Variants in CABIN1 observed in about 807,000 individuals in gnomAD.
The protein encoded by CABIN1 is calcineurin-binding protein cabin-1.
CABIN1 carries 133 observed loss-of-function variants against 227.7 expected under a neutral mutation model. That is an observed-to-expected ratio of 0.58 (90% confidence interval 0.51 to 0.67). The LOEUF (loss-of-function observed/expected upper bound fraction) is 0.67, where lower values mean the gene tolerates loss of function less well. Ranked by LOEUF, CABIN1 falls within the 30% of genes least tolerant of loss-of-function variation. The probability of loss-of-function intolerance (pLI) is 0.00; values close to 1 mark genes in which losing one functional copy is unlikely to be tolerated. For synonymous variants in CABIN1, 1,086 were observed against 1,155.1 expected (o/e 0.94, Z 1.21); for missense variants, 2,408 against 2,852.5 (o/e 0.84, Z 3.55).
At chr22:24,059,484 T>A in intron 11 of CABIN1, 121 bp downstream of exon 11, 1 of 1,191,130 alleles carries the variant, frequency 8.4e-7, no homozygotes, top group Non-Finnish European at 1.2e-6. Context: ...GCCAAGAGTC[T>A]GCCTGGATTA....
chr22:24,061,723 G>A (rs536299276), intron 12 of CABIN1, among the ~76,000 whole-genome samples: 24 of 152,204 alleles, frequency 1.6e-4, no homozygotes, highest in Non-Finnish European at 2.5e-4. Context: ...TCTGAAGACC[G>A]GTCTCCTGGC....
chr22:24,070,230 GA>G (rs370191546), intron 16 of CABIN1, among the ~76,000 whole-genome samples: 2 of 152,376 alleles, frequency 1.3e-5, no homozygotes, highest in African/African-American at 4.8e-5. Context: ...CAGTGCCGCT[GA>G]GGGGATGATG....
At position 24,171,795 on chromosome 22, in the gene CABIN1, C is replaced by T. The variant is rs891119984; in HGVS notation, c.5840C>T (p.Ala1947Val). The T allele has an allele frequency of 2.5e-6, 4 of 1,614,200 alleles. No homozygotes were observed. Among genetic ancestry groups the T allele is most frequent in the South Asian group, 2.2e-5 (2 of 91,090 alleles). The change falls in exon 34 of 37, where the codon GCC (alanine) becomes GTC (valine). Residue 1947 changes from alanine (A) to valine (V), a missense_variant. By Grantham distance (64) the Ala-to-Val change is moderately conservative. Coordinates refer to ENST00000263119, the MANE Select transcript of CABIN1 (RefSeq NM_012295.4). ...TTTCCTGTGACAGTGGTGCCCACAG[C>T]CCCTGACCCTGTGCCAGCTGACTCT... ...NFFPVTVVPT[A>V]PDPVPADSVQ...
intron 18 of CABIN1, among the ~76,000 whole-genome samples, chr22:24,073,036 C>T (rs1227452586): frequency 6.6e-6 from 1 of 152,118 alleles, no homozygotes; most frequent in African/African-American, 2.4e-5. Context: ...ATAATAAAGC[C>T]ATGAATCACC....
chr22:24,132,607 A>G lies in CABIN1; in HGVS notation c.4633-1695A>G, dbSNP rs574581484. Among the ~76,000 whole-genome samples the G allele has an allele frequency of 6.6e-5, 10 of 152,216 alleles. No homozygotes were observed. In the South Asian group the frequency reaches 1.5e-3, roughly 22 times the overall value. On this transcript the variant is annotated intron_variant, in intron 28 of 36. Coordinates refer to ENST00000263119, the MANE Select transcript of CABIN1 (RefSeq NM_012295.4). ...TGCTTTGTTATTTTTTTGTTTTTTG[A>G]GACGGAGTCTCACTCTGTCACCCAG... is the stretch of plus-strand genomic sequence containing the variant.
At position 24,038,342 on chromosome 22, in the gene CABIN1, T is replaced by C. The variant is rs1255565096; in HGVS notation, c.97-6T>C. On this transcript the variant is annotated splice_polypyrimidine_tract_variant and splice_region_variant and intron_variant, in intron 3 of 36. Transcript: ENST00000263119. ...GTATGAAAACATCTCTTGTCTTGAT[T>C]TGCAGGAAGCAGAGGCTTTTGCATT... 2.5e-6 allele frequency: 4 copies of C among 1,609,388 alleles called. No homozygotes were observed. The highest frequency in any genetic ancestry group is 3.4e-6 in the Non-Finnish European group (4 of 1,175,716).
chr22:24,112,265 C>T (rs2042850500), intron 26 of CABIN1, among the ~76,000 whole-genome samples: 1 of 152,164 alleles, frequency 6.6e-6, no homozygotes, highest in Non-Finnish European at 1.5e-5. Context: ...TCTTTTGTTT[C>T]TAGGCTTTTA....
At chr22:24,045,175 T>G (rs923384128) in intron 6 of CABIN1, among the ~76,000 whole-genome samples, 1 of 152,218 alleles carries the variant, frequency 6.6e-6, no homozygotes, top group Non-Finnish European at 1.5e-5. Flanking sequence ...CCGCCCGCCT[T>G]GGCCTCCCAA....
chr22:24,124,882 C>T (rs1347522140), intron 28 of CABIN1, among the ~76,000 whole-genome samples: 1 of 152,136 alleles, frequency 6.6e-6, no homozygotes. Flanking sequence ...ATAAGATGTT[C>T]CCTGGAGCCA....
rs2042988464 is a variant in CABIN1, at chr22:24,114,640, AT to A, written c.4300+893del. Among the ~76,000 whole-genome samples the A allele has an allele frequency of 3.9e-5, 6 of 152,126 alleles. 1 individual carries two copies. In the South Asian group the frequency reaches 1.2e-3, roughly 31 times the overall value. ...CTCTCCGGGTGGGATGGATGGATGG[AT>A]GGGGAAAAACGCTGGTGATAAACTG... On this transcript the variant is annotated intron_variant, in intron 27 of 36. Coordinates refer to ENST00000263119, the MANE Select transcript of CABIN1 (RefSeq NM_012295.4).
At chr22:24,062,574 G>A (rs981170560) in intron 13 of CABIN1, among the ~76,000 whole-genome samples, 21 of 151,980 alleles carry the variant, frequency 1.4e-4, no homozygotes, top group Non-Finnish European at 2.8e-4. Flanking sequence ...AGCCAGGCTG[G>A]TCTTGAATTC....
intron 20 of CABIN1, 147 bp from the exon 21 acceptor site, chr22:24,084,432 T>A (rs1165753303): frequency 7.1e-6 from 5 of 709,082 alleles, no homozygotes; most frequent in Admixed American, 4.9e-5. Context: ...TTTTTTTTTT[T>A]AAGTATAATG....
intron 17 of CABIN1, among the ~76,000 whole-genome samples, chr22:24,071,724 T>A (rs1260161780): frequency 1.3e-5 from 2 of 152,154 alleles, no homozygotes; most frequent in Non-Finnish European, 2.9e-5. Flanking sequence ...TGCTTCTCCC[T>A]CACTTAAAAC....
chr22:24,170,752 G>GCCCC lies in CABIN1; in HGVS notation c.5758-953_5758-950dup, dbSNP rs71320752. On this transcript the variant is annotated intron_variant, in intron 33 of 36. Transcript: ENST00000263119. ...ACAGGGTCATCGGTGGTAGCAAACT[G>GCCCC]CCCCCCCCCCCGCCCCCATGCACTG... 8.8e-4 allele frequency among the ~76,000 whole-genome samples: 103 copies of GCCCC among 116,614 alleles called. 5 individuals are homozygous for GCCCC. The highest frequency in any genetic ancestry group is 1.7e-3 in the South Asian group (6 of 3,488). The allele number at this position is 116,614 out of a possible 152,430, so 76.5% of individuals were successfully genotyped here.
At chr22:24,074,497 G>T (rs1699515645) in intron 18 of CABIN1, among the ~76,000 whole-genome samples, 1 of 152,170 alleles carries the variant, frequency 6.6e-6, no homozygotes, top group Admixed American at 6.5e-5. Context: ...AGAGTGGCAT[G>T]AGGGGAAACC....
At position 24,042,913 on chromosome 22, in the gene CABIN1, C is replaced by G; in HGVS notation, c.355C>G (p.Leu119Val). The G allele has an allele frequency of 6.3e-7, 1 of 1,581,556 alleles. No homozygotes were observed. The highest frequency in any genetic ancestry group is 8.6e-7 in the Non-Finnish European group (1 of 1,163,864). Reference protein sequence around the residue: ...AMEFYLEAVMLDSTDVNLWYK... With the variant: ...AMEFYLEAVMVDSTDVNLWYK... ...CTTGTGTCGCTTCCAGGCAGTGATGCTGGACTCCACAGATGTCAACCTCTG... is the reference window on the plus strand; with the variant it reads ...CTTGTGTCGCTTCCAGGCAGTGATGGTGGACTCCACAGATGTCAACCTCTG... Residue 119 changes from leucine (L) to valine (V), a missense_variant, in exon 6 of 37, where the codon CTG becomes GTG. By Grantham distance (32) the Leu-to-Val change is conservative (BLOSUM62 1). Around this residue, in one of 3 missense-constraint regions of CABIN1, gnomAD observed 1,045 missense variants for 1,168.4 expected, o/e 0.89. Coordinates refer to ENST00000263119, the MANE Select transcript of CABIN1 (RefSeq NM_012295.4).
intron 34 of CABIN1, among the ~76,000 whole-genome samples, chr22:24,172,782 C>T (rs940676801): frequency 3.9e-5 from 6 of 152,166 alleles, no homozygotes; most frequent in African/African-American, 1.2e-4. Context: ...CCATCCCCCT[C>T]GCTGGTCCTG....
At chr22:24,112,997 G>A (rs1433815034) in intron 26 of CABIN1, among the ~76,000 whole-genome samples, 2 of 152,156 alleles carry the variant, frequency 1.3e-5, no homozygotes, top group African/African-American at 4.8e-5. Flanking sequence ...GTGAAGGTCC[G>A]AAGAAGGCAG....
chr22:24,173,269 A>G (rs1221912907), intron 34 of CABIN1: 1 of 152,190 alleles, frequency 6.6e-6, no homozygotes, highest in African/African-American at 2.4e-5. Flanking sequence ...GAGCCCCCAC[A>G]GACTGTGCGC....
Sources: allele counts gnomAD v4.1 joint callset (sites outside exome capture counted in the v4.1 genomes callset), GRCh38; gene constraint gnomAD v4.1.1; regional missense constraint gnomAD v4.1.1; transcripts MANE v1.5; gene names NCBI Gene and HGNC (gene_info 2026-07-23, HGNC 2026-07-21).